The following USP32 variants were observed in gnomAD, a reference collection of about 807,000 sequenced individuals.
The protein encoded by USP32 is ubiquitin carboxyl-terminal hydrolase 32.
Under a neutral mutation model 204.8 loss-of-function variants are expected in USP32, and 59 were observed. The observed-to-expected ratio is 0.29, with a 90% CI of 0.23 to 0.36. USP32 has a LOEUF of 0.36. USP32 is among the 10% of genes least tolerant of loss of function. The pLI is 1.00. For synonymous variants in USP32, 517 were observed against 678.4 expected, an observed-to-expected ratio of 0.76 and a Z score of 3.70; for missense variants, 1,160 against 1,946.4, an observed-to-expected ratio of 0.60 and a Z score of 7.60.
At chr17:60,185,676 A>G in intron 29 of USP32, 25 bp from the exon 30 acceptor site, 3 of 1,597,604 alleles carry the variant, frequency 1.9e-6, no homozygotes, top group South Asian at 2.2e-5. Context: ...AACAGGAGGA[A>G]AGGGGTGCGT....
At chr17:60,279,132 G>C (rs1401637298) in intron 5 of USP32, among the ~76,000 whole-genome samples, 3 of 152,156 alleles carry the variant, frequency 2.0e-5, no homozygotes. Context: ...TCATCGAGAT[G>C]CTCAGCATCA....
intron 27 of USP32, 92 bp from the exon 28 acceptor site, chr17:60,193,022 G>A: frequency 1.5e-6 from 2 of 1,378,442 alleles, no homozygotes; most frequent in Non-Finnish European, 2.0e-6. Flanking sequence ...CCCTAGGAAG[G>A]GGCATTTGCC....
chr17:60,338,465 G>A (rs1421886763), intron 2 of USP32, among the ~76,000 whole-genome samples: 1 of 152,070 alleles, frequency 6.6e-6, no homozygotes, highest in Middle Eastern at 3.2e-3. Context: ...GCATGGTAGC[G>A]CACATCTGTA....
intron 8 of USP32, 81 bp downstream of exon 8, chr17:60,265,895 T>G (rs2086578710): frequency 1.8e-6 from 2 of 1,114,836 alleles, no homozygotes; most frequent in Non-Finnish European, 2.6e-6. Flanking sequence ...ACAAATTATT[T>G]TATGCTTTTA....
intron 31 of USP32, among the ~76,000 whole-genome samples, chr17:60,182,802 AAG>A (rs1021966532): frequency 1.3e-5 from 2 of 152,040 alleles, no homozygotes; most frequent in Non-Finnish European, 2.9e-5. Flanking sequence ...TTAAAAAAAA[AAG>A]AGTTTTGATC....
intron 12 of USP32, among the ~76,000 whole-genome samples, chr17:60,227,037 C>CA (rs58720440): frequency 0.013 from 789 of 60,492 alleles, 8 homozygotes; most frequent in South Asian, 0.016. Flanking sequence ...GACTCTGTCT[C>CA]AAAAAAAAAA....
At chr17:60,196,815 ACT>A (rs1034436127) in intron 27 of USP32, among the ~76,000 whole-genome samples, 27 of 152,160 alleles carry the variant, frequency 1.8e-4, no homozygotes, top group African/African-American at 6.5e-4. Context: ...ACAGAGCGAG[ACT>A]CTGTGTCAAA....
chr17:60,320,603 C>T (rs2088089172), intron 2 of USP32, among the ~76,000 whole-genome samples: 1 of 152,160 alleles, frequency 6.6e-6, no homozygotes, highest in African/African-American at 2.4e-5. Context: ...GCATGCAAAC[C>T]ACACAGTGGC....
At chr17:60,297,428 C>T (rs2087459411) in intron 3 of USP32, among the ~76,000 whole-genome samples, 1 of 150,362 alleles carries the variant, frequency 6.7e-6, no homozygotes, top group Non-Finnish European at 1.5e-5. Flanking sequence ...GTTCTAACTG[C>T]TACAATGTTT....
intron 1 of USP32, among the ~76,000 whole-genome samples, chr17:60,348,856 C>T (rs2088853624): frequency 1.3e-5 from 2 of 151,780 alleles, no homozygotes; most frequent in African/African-American, 4.8e-5. Context: ...GTTCATGGTT[C>T]AGCAACATAG....
intron 1 of USP32, among the ~76,000 whole-genome samples, chr17:60,346,105 A>G (rs1215176313): frequency 6.6e-6 from 1 of 151,866 alleles, no homozygotes; most frequent in Non-Finnish European, 1.5e-5. Context: ...TAATTTAGAA[A>G]ATAAGTATAA....
intron 4 of USP32, among the ~76,000 whole-genome samples, chr17:60,293,803 G>A (rs541208876): frequency 6.6e-6 from 1 of 152,290 alleles, no homozygotes; most frequent in East Asian, 1.9e-4. Context: ...ATGGAGGACT[G>A]TCATACTGGT....
intron 2 of USP32, among the ~76,000 whole-genome samples, chr17:60,329,486 T>A (rs193146592): frequency 3.3e-5 from 5 of 150,730 alleles, no homozygotes; most frequent in Admixed American, 6.6e-5. Context: ...ATTTATTTTT[T>A]TTTTTTGAGA....
Position 60,336,263 on chromosome 17 carries a change from T to C in USP32, c.186+9218A>G, listed in dbSNP as rs2088514066. ...TTTTTCAATAGCTTATGAAGCTGTT[T>C]AAATTTGCTCTAGCTTAAAACTTGA... is the stretch of plus-strand genomic sequence containing the variant. On this transcript the variant is annotated intron_variant, in intron 2 of 33. Coordinates refer to ENST00000300896, the MANE Select transcript of USP32 (RefSeq NM_032582.4). Among the ~76,000 whole-genome samples, 3 of 143,106 alleles carry C rather than the reference T, an allele frequency of 2.1e-5. 1 individual carries two copies. The highest frequency in any genetic ancestry group is 2.0e-4 in the Admixed American group (3 of 14,740). The allele number at this position is 143,106 out of a possible 152,430, so 93.9% of individuals were successfully genotyped here.
intron 3 of USP32, among the ~76,000 whole-genome samples, 177 bp from the exon 4 acceptor site, chr17:60,294,978 T>C (rs2087389863): frequency 6.6e-6 from 1 of 152,226 alleles, no homozygotes; most frequent in African/African-American, 2.4e-5. Flanking sequence ...AGCAGTGTAG[T>C]ATCTTTTCAA....
At chr17:60,269,662 T>G in intron 6 of USP32, 105 bp from the exon 7 acceptor site, 1 of 833,516 alleles carries the variant, frequency 1.2e-6, no homozygotes, top group South Asian at 2.1e-5. Flanking sequence ...ACTGACTGAA[T>G]TTTTTTTTAA....
At chr17:60,332,677 A>T (rs2088420020) in intron 2 of USP32, among the ~76,000 whole-genome samples, 1 of 152,086 alleles carries the variant, frequency 6.6e-6, no homozygotes, top group Non-Finnish European at 1.5e-5. Flanking sequence ...GCCCCTATAT[A>T]ACCTATGCTT....
At chr17:60,285,603 T>C (rs2087090690) in intron 5 of USP32, among the ~76,000 whole-genome samples, 1 of 152,098 alleles carries the variant, frequency 6.6e-6, no homozygotes, top group South Asian at 2.1e-4. Context: ...AGACATGACA[T>C]GTACAAATAA....
At chr17:60,269,175 T>G (rs1176489702) in intron 7 of USP32, among the ~76,000 whole-genome samples, 2 of 152,208 alleles carry the variant, frequency 1.3e-5, no homozygotes, top group Non-Finnish European at 2.9e-5. Context: ...AATTACATCA[T>G]AGCTGATCTG....
Sources: gnomAD v4.1 joint callset for allele counts (sites outside exome capture counted in the v4.1 genomes callset) on GRCh38, gnomAD v4.1.1 for gene constraint, MANE v1.5 for transcripts, NCBI Gene and HGNC (gene_info 2026-07-23, HGNC 2026-07-21) for gene names.